ATP6V1E1: variants seen among roughly 807,000 people sequenced by gnomAD.
ATP6V1E1 encodes ATPase H+ transporting V1 subunit E1.
ATP6V1E1 carries 21 observed loss-of-function variants against 35.2 expected under a neutral mutation model. The observed-to-expected ratio is 0.60, with a 90% CI of 0.42 to 0.86. The LOEUF (loss-of-function observed/expected upper bound fraction) is 0.86. Among genes scored for constraint, ATP6V1E1 ranks in the 40% least tolerant of loss-of-function variants. The pLI is 0.00. For missense variants in ATP6V1E1, 183 were observed against 272.6 expected (o/e 0.67, Z 2.32); for synonymous variants, 83 against 87.8 (o/e 0.95, Z 0.30).
rs1156907534 is a variant in ATP6V1E1, at chr22:17,628,731, T to A, written c.-96A>T. The A allele has an allele frequency of 4.3e-5, 66 of 1,542,992 alleles. No individual in the cohort carries two copies. The highest frequency in any genetic ancestry group is 5.7e-5 in the Non-Finnish European group (64 of 1,116,736). On this transcript the variant is annotated 5_prime_UTR_variant, in exon 1 of 9. Coordinates refer to ENST00000253413, the MANE Select transcript of ATP6V1E1 (RefSeq NM_001696.4). Reference sequence around the variant, plus strand: ...GGCAAAGGGAACCCCTGCGCAGATCTCGGGTTCCTTTACTTTATAACCGCG... The same window carrying A: ...GGCAAAGGGAACCCCTGCGCAGATCACGGGTTCCTTTACTTTATAACCGCG...
chr22:17,599,205 T>C (rs1054553146), intron 6 of ATP6V1E1, among the ~76,000 whole-genome samples: 3 of 151,900 alleles, frequency 2.0e-5, no homozygotes, highest in African/African-American at 7.3e-5. Context: ...ATGGTGGTGA[T>C]GGCTGCACAA....
At chr22:17,616,496 C>G (rs897749774) in intron 2 of ATP6V1E1, among the ~76,000 whole-genome samples, 4 of 151,768 alleles carry the variant, frequency 2.6e-5, no homozygotes, top group African/African-American at 9.7e-5. Flanking sequence ...CTGGGCAACA[C>G]AGTAAAACCC....
chr22:17,599,218 T>C (rs1185162266), intron 6 of ATP6V1E1, among the ~76,000 whole-genome samples: 1 of 151,776 alleles, frequency 6.6e-6, no homozygotes, highest in Admixed American at 6.6e-5. Context: ...CTGCACAATA[T>C]TGTAAATGTA....
chr22:17,617,004 C>T (rs2057849437), intron 2 of ATP6V1E1, among the ~76,000 whole-genome samples: 1 of 63,920 alleles, frequency 1.6e-5, no homozygotes, highest in Admixed American at 1.3e-4. Flanking sequence ...GCCGAGATCC[C>T]GCCACTGCAC....
intron 8 of ATP6V1E1, among the ~76,000 whole-genome samples, chr22:17,593,991 T>C (rs958338775): frequency 6.6e-6 from 1 of 152,156 alleles, no homozygotes; most frequent in Non-Finnish European, 1.5e-5. Context: ...TCACCTGAGG[T>C]CAGGAATTTG....
chr22:17,606,591 C>T (rs956479168), intron 4 of ATP6V1E1, among the ~76,000 whole-genome samples: 2 of 152,208 alleles, frequency 1.3e-5, no homozygotes, highest in Non-Finnish European at 2.9e-5. Context: ...AAGCTATATA[C>T]TGAATTCAAG....
chr22:17,628,816 G>A (rs2057942928), upstream of ATP6V1E1: 3 of 796,018 alleles, frequency 3.8e-6, no homozygotes, highest in Non-Finnish European at 6.1e-6. Flanking sequence ...TCAGCCAATG[G>A]GAAGAGAGCG....
chr22:17,617,356 C>A (rs140285147), intron 2 of ATP6V1E1, among the ~76,000 whole-genome samples: 1 of 152,062 alleles, frequency 6.6e-6, no homozygotes, highest in Non-Finnish European at 1.5e-5. Flanking sequence ...TGCAGTGGTG[C>A]GATCTCAGCT....
intron 1 of ATP6V1E1, among the ~76,000 whole-genome samples, chr22:17,625,197 C>T (rs758343917): frequency 6.6e-6 from 1 of 152,210 alleles, no homozygotes; most frequent in African/African-American, 2.4e-5. Flanking sequence ...GAAATACCCA[C>T]TCGTCTTAGT....
intron 4 of ATP6V1E1, among the ~76,000 whole-genome samples, chr22:17,604,478 G>A (rs1462248506): frequency 6.6e-6 from 1 of 151,608 alleles, no homozygotes; most frequent in Non-Finnish European, 1.5e-5. Flanking sequence ...TATCTCCCTG[G>A]CCCTGCCTAG....
chr22:17,618,720 C>A (rs900593462), intron 2 of ATP6V1E1, among the ~76,000 whole-genome samples: 10 of 150,564 alleles, frequency 6.6e-5, no homozygotes, highest in Admixed American at 6.6e-4. Context: ...ATAAATAGGG[C>A]TGGGCACGGT....
At chr22:17,623,352 G>C (rs1261469786) in intron 1 of ATP6V1E1, among the ~76,000 whole-genome samples, 1 of 152,158 alleles carries the variant, frequency 6.6e-6, no homozygotes, top group African/African-American at 2.4e-5. Flanking sequence ...AGTTTAGTTT[G>C]AAGTCTCACT....
intron 2 of ATP6V1E1, among the ~76,000 whole-genome samples, chr22:17,615,391 T>C (rs1479978310): frequency 2.0e-5 from 3 of 152,132 alleles, no homozygotes; most frequent in South Asian, 4.1e-4. Context: ...AGGCCTATAA[T>C]CCCAGCACTT....
chr22:17,598,953 G>A (rs1231332124), intron 6 of ATP6V1E1, among the ~76,000 whole-genome samples: 2 of 152,092 alleles, frequency 1.3e-5, no homozygotes, highest in East Asian at 3.9e-4. Context: ...AACACAACGT[G>A]GGGCATCCAT....
intron 2 of ATP6V1E1, among the ~76,000 whole-genome samples, chr22:17,617,338 A>G (rs5747281): frequency 0.36 from 55,223 of 151,940 alleles, 10,549 homozygotes; most frequent in African/African-American, 0.46. Context: ...CACCCAGGCT[A>G]GATGGAGTGC....
At chr22:17,626,494 C>T (rs1422295269) in intron 1 of ATP6V1E1, among the ~76,000 whole-genome samples, 1 of 151,952 alleles carries the variant, frequency 6.6e-6, no homozygotes, top group Non-Finnish European at 1.5e-5. Context: ...CCCACATCAG[C>T]CTCCCTAAGT....
At chr22:17,621,196 TG>T (rs1480811464) in intron 1 of ATP6V1E1, among the ~76,000 whole-genome samples, 1 of 152,220 alleles carries the variant, frequency 6.6e-6, no homozygotes, top group Non-Finnish European at 1.5e-5. Flanking sequence ...CTATTCTTGT[TG>T]TTTCTAATCG....
chr22:17,598,584 TC>T lies in ATP6V1E1; in HGVS notation c.436-297del, dbSNP rs34693170. On this transcript the variant is annotated intron_variant, in intron 6 of 8. Transcript: ENST00000253413. ...GATCAGCAGGAGGAAGATACATTAT[TC>T]CCCCAGCTGAGAGTGTTAGAAGCTG... is the stretch of plus-strand genomic sequence containing the variant. 4.2e-4 allele frequency among the ~76,000 whole-genome samples: 64 copies of T among 151,314 alleles called. 3 individuals carry two copies. The South Asian group carries it at 0.013, about 32-fold the overall frequency.
In ATP6V1E1 at chr22:17,613,191, T is replaced by G. The variant is rs199646306; in HGVS notation, c.209+20A>C. 319 of 1,601,538 alleles carry G rather than the reference T, an allele frequency of 2.0e-4. No homozygotes were observed. The highest frequency in any genetic ancestry group is 2.5e-4 in the Non-Finnish European group (295 of 1,171,746). Reference sequence around the variant, plus strand: ...TTCAGAAAACTTCTTAGCTTAATACTGCAACCAGGATCTACTTACATTTTC... The same window carrying G: ...TTCAGAAAACTTCTTAGCTTAATACGGCAACCAGGATCTACTTACATTTTC... On this transcript the variant is annotated intron_variant, in intron 3 of 8. Coordinates refer to ENST00000253413, the MANE Select transcript of ATP6V1E1 (RefSeq NM_001696.4).
Sources: gnomAD v4.1 joint callset for allele counts (sites outside exome capture counted in the v4.1 genomes callset) on GRCh38, gnomAD v4.1.1 for gene constraint, MANE v1.5 for transcripts, NCBI Gene and HGNC (gene_info 2026-07-23, HGNC 2026-07-21) for gene names.